Variants in CLCN3 observed in about 807,000 individuals in gnomAD.
The protein encoded by CLCN3 is Cl-/H+ antiporter 3, also known as H(+)/Cl(-) exchange transporter 3.
A neutral mutation model predicts 83.4 loss-of-function variants in CLCN3; 16 were observed. The ratio of observed to expected loss-of-function variants is 0.19; its 90% confidence interval spans 0.13 to 0.29. The LOEUF is 0.29. Ranked by LOEUF, CLCN3 falls within the 10% of genes least tolerant of loss-of-function variation. The pLI is 1.00. For synonymous variants in CLCN3, 322 were observed against 346.2 expected (o/e 0.93, Z 0.78); for missense variants, 544 against 1,006.0 (o/e 0.54, Z 6.21).
At chr4:169,713,028 A>C (rs780545660) in intron 11 of CLCN3, 51 bp from the exon 12 acceptor site, 6 of 1,353,590 alleles carry the variant, frequency 4.4e-6, no homozygotes, top group Non-Finnish European at 6.3e-6. Flanking sequence ...CAGGTTGCCT[A>C]CTTAAAAATC....
At chr4:169,716,230 A>G (rs937458381) in intron 12 of CLCN3, among the ~76,000 whole-genome samples, 2 of 152,192 alleles carry the variant, frequency 1.3e-5, no homozygotes, top group African/African-American at 4.8e-5. Flanking sequence ...CTTCTCCATT[A>G]ATGTGTGTTT....
Position 169,691,598 on chromosome 4 carries a change from C to T in CLCN3, c.730-516C>T, listed in dbSNP as rs555231628. 2.0e-5 allele frequency among the ~76,000 whole-genome samples: 3 copies of T among 152,152 alleles called. No individual in the cohort carries two copies. The East Asian group carries it at 5.8e-4, about 29-fold the overall frequency. On this transcript the variant is annotated intron_variant, in intron 6 of 12. Transcript: ENST00000513761. ...CTTTTTAAAATGGAATTGTATTGATCTTTAAGTTTGTATTAAGAATATCTT... is the reference window on the plus strand; with the variant it reads ...CTTTTTAAAATGGAATTGTATTGATTTTTAAGTTTGTATTAAGAATATCTT...
chr4:169,655,722 T>C (rs1730863098), intron 2 of CLCN3, among the ~76,000 whole-genome samples: 1 of 152,120 alleles, frequency 6.6e-6, no homozygotes, highest in Non-Finnish European at 1.5e-5. Context: ...CCCAGTCTGG[T>C]CTTGAACTCC....
At chr4:169,672,953 G>A (rs192519292) in intron 2 of CLCN3, among the ~76,000 whole-genome samples, 6 of 152,222 alleles carry the variant, frequency 3.9e-5, no homozygotes, top group East Asian at 3.9e-4. Flanking sequence ...GGGAGCCACC[G>A]CGCCCGGCTG....
intron 2 of CLCN3, among the ~76,000 whole-genome samples, chr4:169,640,694 TATTC>T (rs1180836618): frequency 1.3e-5 from 2 of 152,196 alleles, no homozygotes; most frequent in African/African-American, 2.4e-5. Context: ...GCCAGAGTTG[TATTC>T]ATTAAAGAGA....
chr4:169,620,756 G>A lies in CLCN3; in HGVS notation c.-324G>A. On this transcript the variant is annotated 5_prime_UTR_variant, in exon 1 of 13. Transcript: ENST00000513761. The stretch of plus-strand genomic sequence containing the variant: ...AGTTTTAGTCTTAAGGGGGAAGTGA[G>A]ATTGGAGATTTTTATTTTTAATTTT... 2.5e-6 allele frequency: 1 copy of A among 398,682 alleles called. No homozygotes were observed. 24.7% of individuals were successfully genotyped at this position (398,682 alleles called of 1,614,324 possible). A position where few individuals can be genotyped will look rare whatever the true frequency, so the allele number is the denominator to read the frequency against.
intron 10 of CLCN3, 109 bp from the exon 11 acceptor site, chr4:169,706,759 A>G: frequency 1.2e-6 from 1 of 824,472 alleles, no homozygotes; most frequent in Non-Finnish European, 2.0e-6. Context: ...CTTTTCCCTG[A>G]CTGAGTTCTA....
At chr4:169,686,520 G>T (rs1342574248) in intron 3 of CLCN3, among the ~76,000 whole-genome samples, 57 of 151,682 alleles carry the variant, frequency 3.8e-4, no homozygotes, top group Non-Finnish European at 2.9e-5. Flanking sequence ...GGTTTCAAGT[G>T]ATTCTCCTGC....
chr4:169,629,863 A>G (rs1441469837), intron 1 of CLCN3, among the ~76,000 whole-genome samples: 2 of 152,264 alleles, frequency 1.3e-5, no homozygotes, highest in East Asian at 1.9e-4. Flanking sequence ...CCAGATAGTA[A>G]GTGGGTCAGC....
At chr4:169,629,211 T>C in intron 1 of CLCN3, among the ~76,000 whole-genome samples, 1 of 152,230 alleles carries the variant, frequency 6.6e-6, no homozygotes, top group Non-Finnish European at 1.5e-5. Context: ...CTTATCTTGA[T>C]TGTGATATTG....
chr4:169,689,312 C>CTA, intron 5 of CLCN3, 82 bp downstream of exon 5: 1 of 1,185,680 alleles, frequency 8.4e-7, no homozygotes, highest in Non-Finnish European at 1.2e-6. Context: ...GAACTAATCA[C>CTA]ATATTAGATG....
chr4:169,719,450 C>G (rs548396583), intron 12 of CLCN3, among the ~76,000 whole-genome samples: 1 of 151,964 alleles, frequency 6.6e-6, no homozygotes, highest in South Asian at 2.1e-4. Flanking sequence ...GGCTACAGAG[C>G]GAGACTCTGT....
intron 2 of CLCN3, among the ~76,000 whole-genome samples, chr4:169,668,043 A>ATTTGTTT (rs1560845763): frequency 1.2e-5 from 1 of 82,340 alleles, no homozygotes; most frequent in Non-Finnish European, 2.4e-5. Flanking sequence ...CCGGCCAGAC[A>ATTTGTTT]TTTTTTTTTT....
Position 169,713,109 on chromosome 4 carries a change from T to C in CLCN3, c.2180T>C (p.Val727Ala), listed in dbSNP as rs971407708. 2 of 1,614,224 alleles carry C rather than the reference T, an allele frequency of 1.2e-6. No homozygotes were observed. Among genetic ancestry groups the C allele is most frequent in the Non-Finnish European group, 1.7e-6 (2 of 1,180,016 alleles). ...ESARKKQEGI[V>A]GSSRVCFAQH... ...GCCAGGAAAAAACAAGAAGGTATCG[T>C]TGGCAGTTCTCGGGTGTGTTTTGCA... Residue 727 changes from valine to alanine, a missense_variant, in exon 12 of 13, where the codon GTT (valine) becomes GCT (alanine). Physicochemically the swap from Val to Ala is moderately conservative, Grantham distance 64. Coordinates refer to ENST00000513761, the MANE Select transcript of CLCN3 (RefSeq NM_001829.4).
At chr4:169,630,787 C>T (rs906699349) in intron 1 of CLCN3, among the ~76,000 whole-genome samples, 2 of 152,154 alleles carry the variant, frequency 1.3e-5, no homozygotes, top group Non-Finnish European at 2.9e-5. Context: ...CCTTGGCCTC[C>T]CAAAGTGCTG....
chr4:169,662,616 A>G (rs1358127991), intron 2 of CLCN3: 5 of 152,298 alleles, frequency 3.3e-5, no homozygotes, highest in Non-Finnish European at 7.4e-5. Context: ...AAGGATATCA[A>G]TAAAGTAAAC....
Position 169,680,216 on chromosome 4 carries a change from T to C in CLCN3, c.318+9T>C. On this transcript the variant is annotated intron_variant, in intron 3 of 12. Transcript: ENST00000513761. ...GAGAAAGGCATAGACGGGTAAGTGT[T>C]TTTAGTAAAAATTTTTAAAAACATA... is the stretch of plus-strand genomic sequence containing the variant. The C allele has an allele frequency of 6.3e-7, 1 of 1,597,508 alleles. No individual in the cohort carries two copies. The highest frequency in any genetic ancestry group is 8.5e-7 in the Non-Finnish European group (1 of 1,173,034).
intron 2 of CLCN3, among the ~76,000 whole-genome samples, chr4:169,637,651 T>G (rs1730266085): frequency 6.6e-6 from 1 of 152,128 alleles, no homozygotes; most frequent in African/African-American, 2.4e-5. Context: ...TTTTTTTTGT[T>G]CTGTTTAACA....
At chr4:169,717,818 A>G in intron 12 of CLCN3, 1 of 1,613,026 alleles carries the variant, frequency 6.2e-7, no homozygotes, top group Non-Finnish European at 8.5e-7. Flanking sequence ...ATCACAAAGA[A>G]GAACATATTA....
Sources: allele counts gnomAD v4.1 joint callset (sites outside exome capture counted in the v4.1 genomes callset), GRCh38; gene constraint gnomAD v4.1.1; transcripts MANE v1.5; gene names NCBI Gene and HGNC (gene_info 2026-07-23, HGNC 2026-07-21).